The following ERC1 variants were observed in gnomAD, a reference collection of about 807,000 sequenced individuals.
The protein encoded by ERC1 is RAB6 interacting protein 2.
ERC1 carries 56 observed loss-of-function variants against 132.0 expected under a neutral mutation model. The ratio of observed to expected loss-of-function variants is 0.42; its 90% CI spans 0.34 to 0.53. The LOEUF (loss-of-function observed/expected upper bound fraction) is 0.53. Ranked by LOEUF, ERC1 falls within the 20% of genes least tolerant of loss-of-function variation. The probability of loss-of-function intolerance (pLI) is 0.03; values close to 1 mark genes in which losing one functional copy is unlikely to be tolerated. For missense variants in ERC1, 1,202 were observed against 1,349.9 expected (o/e 0.89, Z 1.72); for synonymous variants, 478 against 476.1 (o/e 1.00, Z -0.05).
At chr12:1,480,708 GGT>G (rs1342253548) in intron 18 of ERC1, 2 of 628,700 alleles carry the variant, frequency 3.2e-6, no homozygotes, top group African/African-American at 1.8e-5. Context: ...GCCTTGAGGA[GGT>G]GAGGAAGATA....
At chr12:1,454,136 A>C (rs1201168391) in intron 18 of ERC1, among the ~76,000 whole-genome samples, 2 of 152,052 alleles carry the variant, frequency 1.3e-5, no homozygotes, top group Non-Finnish European at 2.9e-5. Flanking sequence ...CTACTTAATG[A>C]ATCTTCCGTA....
At chr12:1,488,131 CA>C (rs1229618409) in intron 18 of ERC1, among the ~76,000 whole-genome samples, 15 of 138,096 alleles carry the variant, frequency 1.1e-4, no homozygotes, top group East Asian at 6.6e-4. Context: ...GAGCGAGACT[CA>C]CGTCTCAGAA....
intron 17 of ERC1, among the ~76,000 whole-genome samples, chr12:1,422,214 G>T (rs1223671162): frequency 3.3e-5 from 5 of 152,192 alleles, no homozygotes; most frequent in Admixed American, 3.3e-4. Context: ...TAGTTAGCTT[G>T]GCCTATGCCC....
chr12:1,423,637 G>A (rs1001175679), intron 17 of ERC1, among the ~76,000 whole-genome samples: 2 of 152,198 alleles, frequency 1.3e-5, no homozygotes, highest in African/African-American at 4.8e-5. Context: ...CTGAATTTTT[G>A]TAGAGGGAGA....
chr12:1,150,623 A>AT (rs1229607648), intron 8 of ERC1, among the ~76,000 whole-genome samples: 1 of 152,228 alleles, frequency 6.6e-6, no homozygotes, highest in East Asian at 1.9e-4. Context: ...ATGATAAGTC[A>AT]TTTTGACAGT....
chr12:1,058,290 A>AT (rs539509127), intron 2 of ERC1, among the ~76,000 whole-genome samples: 3 of 149,796 alleles, frequency 2.0e-5, no homozygotes, highest in South Asian at 2.1e-4. Flanking sequence ...TTTCCCCTAC[A>AT]TTTTTTTTTC....
intron 1 of ERC1, among the ~76,000 whole-genome samples, chr12:1,003,747 C>T (rs1387970147): frequency 2.6e-5 from 4 of 152,212 alleles, no homozygotes; most frequent in African/African-American, 7.2e-5. Flanking sequence ...CACAGAGAGC[C>T]TCTTTAGACT....
chr12:1,262,879 T>A (rs2077231116), intron 13 of ERC1, among the ~76,000 whole-genome samples, 155 bp from the exon 14 acceptor site: 1 of 152,224 alleles, frequency 6.6e-6, no homozygotes, highest in Non-Finnish European at 1.5e-5. Flanking sequence ...CTTTCCTTGC[T>A]TTCTTTATTG....
chr12:1,179,199 C>A (rs1954081759), intron 8 of ERC1, among the ~76,000 whole-genome samples: 1 of 152,132 alleles, frequency 6.6e-6, no homozygotes, highest in Non-Finnish European at 1.5e-5. Context: ...CATCATCTTA[C>A]CTGAACTGAT....
intron 7 of ERC1, among the ~76,000 whole-genome samples, chr12:1,137,172 C>T (rs1346063787): frequency 1.0e-4 from 15 of 146,624 alleles, no homozygotes; most frequent in Admixed American, 5.6e-4. Context: ...CATCTCGGCT[C>T]GCTGCAACCT....
intron 2 of ERC1, among the ~76,000 whole-genome samples, chr12:1,040,054 A>G (rs1592876502): frequency 6.6e-6 from 1 of 152,176 alleles, no homozygotes. Context: ...ACAAACTTCT[A>G]CTATTAGATG....
intron 16 of ERC1, among the ~76,000 whole-genome samples, chr12:1,382,224 T>C (rs2088765452): frequency 6.6e-6 from 1 of 152,242 alleles, no homozygotes; most frequent in African/African-American, 2.4e-5. Context: ...TACAAAGTAC[T>C]ATTCAGATAC....
Position 1,408,246 on chromosome 12 carries a change from A to G in ERC1, c.3023A>G (p.Gln1008Arg), listed in dbSNP as rs2091632746. The G allele has an allele frequency of 1.9e-6, 3 of 1,608,636 alleles. No homozygotes were observed. The highest frequency in any genetic ancestry group is 1.7e-6 in the Non-Finnish European group (2 of 1,175,626). The change falls in exon 17 of 19, where the codon CAG becomes CGG. Residue 1008 changes from glutamine to arginine, a missense_variant and splice_region_variant. Physicochemically the swap from Gln to Arg is conservative, Grantham distance 43. Transcript: ENST00000360905. ...ACAAATCACAAGCCCTCCCCAGACC[A>G]GGTAAGATGGCTCTGGAATGTTTTA... ...NQTNHKPSPD[Q>R]IIQPLLELDQ...
intron 2 of ERC1, among the ~76,000 whole-genome samples, chr12:1,065,083 C>T (rs1236758271): frequency 6.6e-6 from 1 of 152,138 alleles, no homozygotes; most frequent in Admixed American, 6.5e-5. Context: ...TTACTGCAAC[C>T]TCCGCCTCCT....
intron 15 of ERC1, among the ~76,000 whole-genome samples, chr12:1,343,900 G>A (rs1052686829): frequency 4.6e-5 from 7 of 151,716 alleles, no homozygotes; most frequent in Non-Finnish European, 1.0e-4. Context: ...GGAGTGCAGT[G>A]GCGCGATCTC....
Position 1,395,013 on chromosome 12 carries a change from T to G in ERC1, c.2926-13136T>G, listed in dbSNP as rs139577569. 4.1e-3 allele frequency among the ~76,000 whole-genome samples: 625 copies of G among 152,332 alleles called. 9 individuals are homozygous for G. Among genetic ancestry groups the G allele is most frequent in the African/African-American group, 0.013 (561 of 41,580 alleles). On this transcript the variant is annotated intron_variant, in intron 16 of 18. Transcript: ENST00000360905. The stretch of plus-strand genomic sequence containing the variant: ...AGATATGGTGTTGAGTCTCACTGAA[T>G]CCAGCTAATAATTCCCTTTAAACAT...
At chr12:1,180,320 CTTTTT>C (rs1324863818) in intron 8 of ERC1, among the ~76,000 whole-genome samples, 1 of 150,740 alleles carries the variant, frequency 6.6e-6, no homozygotes, top group Non-Finnish European at 1.5e-5. Context: ...CACATGTGTA[CTTTTT>C]TTTGTTTTGC....
chr12:1,042,297 G>A (rs565652120), intron 2 of ERC1, among the ~76,000 whole-genome samples: 78 of 150,026 alleles, frequency 5.2e-4, no homozygotes, highest in African/African-American at 1.8e-3. Context: ...TCAGCTTCCC[G>A]AAGTGCTGGG....
chr12:1,336,525 G>T (rs1447987674), intron 15 of ERC1, among the ~76,000 whole-genome samples: 4 of 152,128 alleles, frequency 2.6e-5, no homozygotes, highest in Non-Finnish European at 5.9e-5. Context: ...TCATTCAGGA[G>T]TAGGTTGATC....
Sources: allele counts gnomAD v4.1 joint callset (sites outside exome capture counted in the v4.1 genomes callset), GRCh38; gene constraint gnomAD v4.1.1; transcripts MANE v1.5; gene names NCBI Gene and HGNC (gene_info 2026-07-23, HGNC 2026-07-21).